Variants in OPRD1 observed in about 807,000 individuals in gnomAD.
OPRD1 encodes the protein delta-type opioid receptor.
OPRD1 carries 19 observed loss-of-function variants against 17.5 expected under a neutral mutation model. That is an observed-to-expected ratio of 1.09 (90% CI 0.76 to 1.60). The LOEUF is 1.60. Among genes scored for constraint, OPRD1 ranks in the 40% most tolerant of loss-of-function variants. The probability of loss-of-function intolerance (pLI) is 0.00; values close to 1 mark genes in which losing one functional copy is unlikely to be tolerated. For synonymous variants in OPRD1, 256 were observed against 240.9 expected (o/e 1.06, Z -0.58); for missense variants, 483 against 547.2 (o/e 0.88, Z 1.17).
At chr1:28,850,309 G>A (rs539645502) in intron 1 of OPRD1, among the ~76,000 whole-genome samples, 54 of 152,014 alleles carry the variant, frequency 3.6e-4, no homozygotes, top group Middle Eastern at 3.4e-3. Context: ...GGCAACATAG[G>A]GAGACTGCAT....
At chr1:28,839,396 C>A (rs1054709979) in intron 1 of OPRD1, among the ~76,000 whole-genome samples, 7 of 152,178 alleles carry the variant, frequency 4.6e-5, no homozygotes, top group Non-Finnish European at 1.0e-4. Flanking sequence ...AGATCCTTAA[C>A]TTAATTATGA....
At chr1:28,854,737 C>T (rs887053286) in intron 1 of OPRD1, among the ~76,000 whole-genome samples, 21 of 152,000 alleles carry the variant, frequency 1.4e-4, no homozygotes, top group African/African-American at 4.4e-4. Flanking sequence ...ACTGCAACCT[C>T]CGCCTCCTGG....
chr1:28,822,282 T>A (rs76433194), intron 1 of OPRD1, among the ~76,000 whole-genome samples: 158 of 152,056 alleles, frequency 1.0e-3, no homozygotes, highest in African/African-American at 3.0e-3. Context: ...TTTCCCACAG[T>A]CAAAGCTCTC....
chr1:28,855,368 G>A (rs1391010840), intron 1 of OPRD1, among the ~76,000 whole-genome samples: 1 of 152,224 alleles, frequency 6.6e-6, no homozygotes, highest in East Asian at 1.9e-4. Context: ...TGTGGCAGGG[G>A]CACATCGGTG....
At chr1:28,852,202 A>G (rs2089011574) in intron 1 of OPRD1, among the ~76,000 whole-genome samples, 1 of 151,592 alleles carries the variant, frequency 6.6e-6, no homozygotes, top group Non-Finnish European at 1.5e-5. Flanking sequence ...GAAAGAAAGA[A>G]AAGAAAGTGG....
chr1:28,859,937 A>G (rs759933102), intron 2 of OPRD1, among the ~76,000 whole-genome samples: 1 of 152,226 alleles, frequency 6.6e-6, no homozygotes, highest in Non-Finnish European at 1.5e-5. Context: ...TCTCACTCCC[A>G]TCACAATCCA....
At chr1:28,862,709 C>A (rs373910506) in intron 2 of OPRD1, 33 bp from the exon 3 acceptor site, 5 of 1,552,410 alleles carry the variant, frequency 3.2e-6, no homozygotes, top group East Asian at 4.5e-5. Context: ...AGGCCCCTCA[C>A]CCCGTCTGTC....
intron 1 of OPRD1, among the ~76,000 whole-genome samples, chr1:28,831,002 C>A (rs772472165): frequency 6.6e-6 from 1 of 152,260 alleles, no homozygotes; most frequent in Non-Finnish European, 1.5e-5. Context: ...CCTGGCCCCA[C>A]CAGATGCTGT....
chr1:28,834,982 A>G (rs1030850555), intron 1 of OPRD1, among the ~76,000 whole-genome samples: 4 of 151,994 alleles, frequency 2.6e-5, no homozygotes, highest in African/African-American at 9.7e-5. Flanking sequence ...TATTTCAGAC[A>G]CCTGTTTGCT....
rs1278063804 is a variant in OPRD1, at chr1:28,863,023, G to T, written c.859G>T (p.Val287Leu). The change falls in exon 3 of 3, where the codon GTG (valine) becomes TTG (leucine). Residue 287 changes from valine (V) to leucine (L), a missense_variant. Transcript: ENST00000234961. ...CATCTTCGTCATCGTCTGGACGCTGGTGGACATCGACCGGCGCGACCCGCT... is the reference window on the plus strand; with the variant it reads ...CATCTTCGTCATCGTCTGGACGCTGTTGGACATCGACCGGCGCGACCCGCT... ...IHIFVIVWTL[V>L]DIDRRDPLVV... 1 of 1,608,558 alleles carries T rather than the reference G, an allele frequency of 6.2e-7. No individual in the cohort carries two copies.
intron 1 of OPRD1, among the ~76,000 whole-genome samples, chr1:28,831,556 G>A (rs530323361): frequency 3.3e-4 from 50 of 151,588 alleles, no homozygotes; most frequent in African/African-American, 5.3e-4. Flanking sequence ...ATACTGACTC[G>A]GTCGGAGTTA....
chr1:28,815,233 G>A (rs1328474257), intron 1 of OPRD1, among the ~76,000 whole-genome samples: 2 of 152,068 alleles, frequency 1.3e-5, no homozygotes, highest in African/African-American at 4.8e-5. Flanking sequence ...CCCACCTCAG[G>A]CTCCTGGGTA....
At chr1:28,819,686 C>A (rs1305819621) in intron 1 of OPRD1, among the ~76,000 whole-genome samples, 1 of 152,146 alleles carries the variant, frequency 6.6e-6, no homozygotes, top group African/African-American at 2.4e-5. Flanking sequence ...GGGGTGGAGT[C>A]GAGATTCCAA....
rs144338999 is a variant in OPRD1, at chr1:28,837,201, C to T, written c.228-21753C>T. On this transcript the variant is annotated intron_variant, in intron 1 of 2. Transcript: ENST00000234961. ...CATATGTAGTTCACAGTAGGGTTCA[C>T]GCTCCTATGAGAATCTAATGCCATT... is the stretch of plus-strand genomic sequence containing the variant. 2.4e-3 allele frequency among the ~76,000 whole-genome samples: 370 copies of T among 152,210 alleles called. 2 individuals are homozygous for T. The highest frequency in any genetic ancestry group is 0.01 in the Middle Eastern group (3 of 294).
intron 1 of OPRD1, among the ~76,000 whole-genome samples, chr1:28,839,100 C>T (rs911633057): frequency 3.3e-5 from 5 of 152,152 alleles, no homozygotes; most frequent in African/African-American, 1.2e-4. Context: ...TAAATTACTG[C>T]AGACTTGATG....
rs1253705791 is a variant in OPRD1, at chr1:28,866,864, C to G, written c.*3581C>G. The G allele has an allele frequency of 6.7e-6, 1 of 149,210 alleles. No homozygotes were observed. Among genetic ancestry groups the G allele is most frequent in the African/African-American group, 2.5e-5 (1 of 39,478 alleles). 9.2% of individuals were successfully genotyped at this position (149,210 alleles called of 1,614,324 possible). On this transcript the variant is annotated 3_prime_UTR_variant, in exon 3 of 3. Coordinates refer to ENST00000234961, the MANE Select transcript of OPRD1 (RefSeq NM_000911.4). ...CTAAATTGACAGTGTAATTCTAGAT[C>G]GTCACAGGGTTCTCAAAACTGCAGA...
chr1:28,849,875 C>CTTT (rs34907861), intron 1 of OPRD1, among the ~76,000 whole-genome samples: 39 of 118,098 alleles, frequency 3.3e-4, no homozygotes, highest in African/African-American at 3.9e-4. Flanking sequence ...GAGAGTCAAA[C>CTTT]TTTTTTTTTT....
intron 1 of OPRD1, among the ~76,000 whole-genome samples, chr1:28,823,375 T>TTTTATTTATTTA (rs1287015172): frequency 2.0e-5 from 2 of 100,326 alleles, no homozygotes; most frequent in East Asian, 2.5e-4. Context: ...CTTTTTTAAA[T>TTTTATTTATTTA]TTTATTTGTT....
chr1:28,849,181 T>C (rs978836645), intron 1 of OPRD1, among the ~76,000 whole-genome samples: 3 of 151,650 alleles, frequency 2.0e-5, no homozygotes, highest in Non-Finnish European at 4.4e-5. Flanking sequence ...GGTGGGAGGA[T>C]CACTTGAGCC....
Sources: allele counts gnomAD v4.1 joint callset (sites outside exome capture counted in the v4.1 genomes callset), GRCh38; gene constraint gnomAD v4.1.1; transcripts MANE v1.5; gene names NCBI Gene and HGNC (gene_info 2026-07-23, HGNC 2026-07-21).